CABCOCO1: variants seen among roughly 807,000 people sequenced by gnomAD.
CABCOCO1 encodes ciliary-associated calcium-binding coiled-coil protein 1.
CABCOCO1 carries 28 observed loss-of-function variants against 35.7 expected under a neutral mutation model. That is an observed-to-expected ratio of 0.78 (90% CI 0.58 to 1.07). The LOEUF (loss-of-function observed/expected upper bound fraction) is 1.07, where lower values mean the gene tolerates loss of function less well. Among genes scored for constraint, CABCOCO1 ranks in the 50% least tolerant of loss-of-function variants. The pLI is 0.00. For missense variants in CABCOCO1, 326 were observed against 309.2 expected, an observed-to-expected ratio of 1.05 and a Z score of -0.41; for synonymous variants, 95 against 100.1, an observed-to-expected ratio of 0.95 and a Z score of 0.30.
At chr10:61,709,755 T>C (rs1188065863) in intron 5 of CABCOCO1, among the ~76,000 whole-genome samples, 1 of 152,034 alleles carries the variant, frequency 6.6e-6, no homozygotes, top group African/African-American at 2.4e-5. Flanking sequence ...TCTCTCATTT[T>C]TCGTAGGGTT....
intron 5 of CABCOCO1, among the ~76,000 whole-genome samples, chr10:61,709,727 A>G (rs1418666024): frequency 6.6e-6 from 1 of 152,018 alleles, no homozygotes; most frequent in African/African-American, 2.4e-5. Context: ...CAACAACTCA[A>G]TGCTGCTTCC....
chr10:61,671,735 G>C lies in CABCOCO1; in HGVS notation c.61-897G>C, dbSNP rs530194906. On this transcript the variant is annotated intron_variant, in intron 1 of 7. Coordinates refer to ENST00000648843, the MANE Select transcript of CABCOCO1 (RefSeq NM_001366906.2). ...GGCCTCTTTGTTTAACTCTTCCTCT[G>C]CTCCTGTCTTTCCTTCACCCTCCAG... Among the ~76,000 whole-genome samples, 3 of 151,202 alleles carry C rather than the reference G, an allele frequency of 2.0e-5. No individual in the cohort carries two copies. The East Asian group carries it at 5.8e-4, about 29-fold the overall frequency.
intron 5 of CABCOCO1, among the ~76,000 whole-genome samples, chr10:61,724,792 A>G (rs1230037401): frequency 6.6e-6 from 1 of 152,184 alleles, no homozygotes; most frequent in African/African-American, 2.4e-5. Flanking sequence ...CATCTCATAC[A>G]TCAATAAGAG....
intron 4 of CABCOCO1, 81 bp downstream of exon 4, chr10:61,686,266 T>A: frequency 4.0e-6 from 5 of 1,238,230 alleles, no homozygotes; most frequent in Non-Finnish European, 5.5e-6. Context: ...TAATTCAGTT[T>A]TTAGCAGATT....
chr10:61,666,971 TTA>T (rs1839197646), intron 1 of CABCOCO1, among the ~76,000 whole-genome samples: 1 of 136,482 alleles, frequency 7.3e-6, no homozygotes, highest in Non-Finnish European at 1.5e-5. Flanking sequence ...TAATTATATA[TTA>T]TATATAAATA....
intron 5 of CABCOCO1, among the ~76,000 whole-genome samples, chr10:61,735,480 T>C (rs1466960252): frequency 2.0e-5 from 3 of 152,066 alleles, no homozygotes; most frequent in Non-Finnish European, 4.4e-5. Context: ...ATATAGCTTA[T>C]TCCCCCACCA....
At chr10:61,700,871 C>G (rs1840430486) in intron 5 of CABCOCO1, among the ~76,000 whole-genome samples, 2 of 152,080 alleles carry the variant, frequency 1.3e-5, no homozygotes, top group East Asian at 3.9e-4. Context: ...TAACAAGCTA[C>G]TAAATGTGTC....
At chr10:61,680,724 A>ATGTTATACATGTATAACATATATG (rs1282878058) in intron 2 of CABCOCO1, among the ~76,000 whole-genome samples, 12 of 103,700 alleles carry the variant, frequency 1.2e-4, no homozygotes, top group East Asian at 4.7e-4. Flanking sequence ...TAACATATAT[A>ATGTTATACATGTATAACATATATG]TTATATATAT....
intron 5 of CABCOCO1, among the ~76,000 whole-genome samples, chr10:61,724,800 G>C (rs1321945106): frequency 2.0e-5 from 3 of 152,104 alleles, no homozygotes; most frequent in Non-Finnish European, 1.5e-5. Flanking sequence ...ACATCAATAA[G>C]AGAAAGGAAA....
At chr10:61,663,321 C>A (rs1323015463) in intron 1 of CABCOCO1, among the ~76,000 whole-genome samples, 3 of 151,938 alleles carry the variant, frequency 2.0e-5, no homozygotes, top group African/African-American at 7.3e-5. Context: ...CGTGCCCAAA[C>A]GCCCTCATAA....
chr10:61,681,874 A>G (rs1194857416), intron 3 of CABCOCO1, among the ~76,000 whole-genome samples: 1 of 152,192 alleles, frequency 6.6e-6, no homozygotes, highest in Non-Finnish European at 1.5e-5. Context: ...AAAAAAAATA[A>G]TAATCAAAAT....
At chr10:61,710,336 A>T (rs1395133669) in intron 5 of CABCOCO1, among the ~76,000 whole-genome samples, 1 of 151,718 alleles carries the variant, frequency 6.6e-6, no homozygotes, top group African/African-American at 2.4e-5. Flanking sequence ...ACATCATTAT[A>T]ATAGCTTCTT....
At chr10:61,709,067 T>C (rs1840663279) in intron 5 of CABCOCO1, among the ~76,000 whole-genome samples, 1 of 152,152 alleles carries the variant, frequency 6.6e-6, no homozygotes, top group Admixed American at 6.6e-5. Context: ...TCTAAGAATT[T>C]GGAAGAAGTC....
At position 61,731,247 on chromosome 10, in the gene CABCOCO1, T is replaced by C. The variant is rs765540201; in HGVS notation, c.553-28812T>C. ...ACTATGTATTATTTCTCTAACTATATGTAAATTTGAAGTTATTTCCAAAAA... is the reference window on the plus strand; with the variant it reads ...ACTATGTATTATTTCTCTAACTATACGTAAATTTGAAGTTATTTCCAAAAA... On this transcript the variant is annotated intron_variant, in intron 5 of 7. Coordinates refer to ENST00000648843, the MANE Select transcript of CABCOCO1 (RefSeq NM_001366906.2). Among the ~76,000 whole-genome samples, 3 of 151,918 alleles carry C rather than the reference T, an allele frequency of 2.0e-5. 1 individual carries two copies. The highest frequency in any genetic ancestry group is 2.0e-4 in the Admixed American group (3 of 15,192).
intron 1 of CABCOCO1, among the ~76,000 whole-genome samples, chr10:61,665,165 G>A (rs966307153): frequency 2.0e-5 from 3 of 152,186 alleles, no homozygotes; most frequent in Non-Finnish European, 4.4e-5. Flanking sequence ...CAATAACATA[G>A]TAGGCACTCA....
chr10:61,719,333 A>G (rs1459668622), intron 5 of CABCOCO1, among the ~76,000 whole-genome samples: 1 of 152,166 alleles, frequency 6.6e-6, no homozygotes, highest in Non-Finnish European at 1.5e-5. Flanking sequence ...AACTCCAAAG[A>G]GCAATTATTA....
chr10:61,744,872 A>C (rs1041553370), intron 5 of CABCOCO1, among the ~76,000 whole-genome samples: 1 of 152,188 alleles, frequency 6.6e-6, no homozygotes, highest in Non-Finnish European at 1.5e-5. Flanking sequence ...AATATGGCAA[A>C]CACTTTGCAA....
rs576069207 is a variant in CABCOCO1, at chr10:61,765,941, C to T, written c.819C>T (p.Thr273=). 34 of 1,612,072 alleles carry T rather than the reference C, an allele frequency of 2.1e-5. No individual in the cohort carries two copies. The highest frequency in any genetic ancestry group is 2.8e-5 in the Non-Finnish European group (33 of 1,178,928). The stretch of plus-strand genomic sequence containing the variant: ...GTTTTTTATGATTGTCTTCACAGAC[C>T]GAGATAAACGAAAAACTGCAAATAC... The part of the protein sequence containing the change: ...VTDDILIGIQ[T]EINEKLQIQE... The change falls in exon 8 of 8, where the codon ACC becomes ACT. Residue 273 remains threonine (T), a splice_region_variant and synonymous_variant. Transcript: ENST00000648843.
chr10:61,692,486 G>C lies in CABCOCO1; in HGVS notation c.552+1865G>C, dbSNP rs187948837. On this transcript the variant is annotated intron_variant, in intron 5 of 7. Coordinates refer to ENST00000648843, the MANE Select transcript of CABCOCO1 (RefSeq NM_001366906.2). Reference sequence around the variant, plus strand: ...GCTTTGTTGCCTCCTAGAAGTACCAGGGACAGGAGTGGCCATAATCAGAAA... The same window carrying C: ...GCTTTGTTGCCTCCTAGAAGTACCACGGACAGGAGTGGCCATAATCAGAAA... Among the ~76,000 whole-genome samples, 4 of 152,232 alleles carry C rather than the reference G, an allele frequency of 2.6e-5. No homozygotes were observed. The East Asian group carries it at 7.7e-4, about 29-fold the overall frequency.
Sources: gnomAD v4.1 joint callset for allele counts (sites outside exome capture counted in the v4.1 genomes callset) on GRCh38, gnomAD v4.1.1 for gene constraint, MANE v1.5 for transcripts, NCBI Gene and HGNC (gene_info 2026-07-23, HGNC 2026-07-21) for gene names.